The following VWA3B variants were observed in gnomAD, a reference collection of about 807,000 sequenced individuals.
The protein encoded by VWA3B is von Willebrand factor A domain-containing protein 3B.
In VWA3B, 138 loss-of-function variants were observed where a neutral mutation model predicts 158.3. The ratio of observed to expected loss-of-function variants is 0.87; its 90% CI spans 0.76 to 1.00. VWA3B has a LOEUF of 1.00. Ranked by LOEUF, VWA3B falls within the 50% of genes least tolerant of loss-of-function variation. The pLI is 0.00. For missense variants in VWA3B, 1,555 were observed against 1,565.1 expected, an observed-to-expected ratio of 0.99 and a Z score of 0.11; for synonymous variants, 596 against 587.3, an observed-to-expected ratio of 1.01 and a Z score of -0.21.
intron 2 of VWA3B, among the ~76,000 whole-genome samples, chr2:98,103,241 T>G (rs1359876284): frequency 6.6e-6 from 1 of 152,186 alleles, no homozygotes; most frequent in Admixed American, 6.5e-5. Context: ...AGAAACACAT[T>G]TTTAGTTTGC....
At chr2:98,226,546 C>A (rs1322501669) in intron 14 of VWA3B, among the ~76,000 whole-genome samples, 2 of 152,138 alleles carry the variant, frequency 1.3e-5, no homozygotes, top group Non-Finnish European at 2.9e-5. Flanking sequence ...AAAGCATTAT[C>A]CATAAAAGGA....
chr2:98,303,892 T>C (rs1690353458), intron 26 of VWA3B, 90 bp downstream of exon 26: 1 of 1,246,522 alleles, frequency 8.0e-7, no homozygotes, highest in Non-Finnish European at 1.2e-6. Flanking sequence ...GACCTCTAAA[T>C]ACTAGGGAAG....
intron 7 of VWA3B, among the ~76,000 whole-genome samples, chr2:98,149,135 T>C (rs1045315677): frequency 6.6e-6 from 1 of 152,226 alleles, no homozygotes; most frequent in Admixed American, 6.5e-5. Flanking sequence ...TTAGCTCCAG[T>C]GATATACTTT....
In VWA3B at chr2:98,202,315, C is replaced by T. The variant is rs1682617722; in HGVS notation, c.1737+7823C>T. On this transcript the variant is annotated intron_variant, in intron 12 of 27. Coordinates refer to ENST00000477737, the MANE Select transcript of VWA3B (RefSeq NM_144992.5). ...AGCATAGAATTGCTCACAGCATTCC[C>T]TTATCATTTCCTTAATGTTTGTGGG... Among the ~76,000 whole-genome samples, 3 of 152,122 alleles carry T rather than the reference C, an allele frequency of 2.0e-5. No individual in the cohort carries two copies. The South Asian group carries it at 6.2e-4, about 32-fold the overall frequency.
intron 7 of VWA3B, among the ~76,000 whole-genome samples, chr2:98,140,027 G>C (rs574616274): frequency 3.3e-5 from 5 of 151,744 alleles, no homozygotes; most frequent in Non-Finnish European, 7.4e-5. Flanking sequence ...CTCCAGAAGC[G>C]CCGCCTTAAG....
At chr2:98,195,288 T>C (rs528028971) in intron 12 of VWA3B, among the ~76,000 whole-genome samples, 1 of 152,284 alleles carries the variant, frequency 6.6e-6, no homozygotes, top group South Asian at 2.1e-4. Context: ...TATCTTTTCT[T>C]AAAAAGGCAA....
chr2:98,234,656 A>C lies in VWA3B; in HGVS notation c.2317A>C (p.Lys773Gln). 1 of 1,614,212 alleles carries C rather than the reference A, an allele frequency of 6.2e-7. No homozygotes were observed. Among genetic ancestry groups the C allele is most frequent in the Non-Finnish European group, 8.5e-7 (1 of 1,180,030 alleles). Reference sequence around the variant, plus strand: ...CTCTGTGATACCAACAGAATCAACCAAAACCAGCCTGCTCAGAAGCCAGAT... The same window carrying C: ...CTCTGTGATACCAACAGAATCAACCCAAACCAGCCTGCTCAGAAGCCAGAT... ...KKKVLHAEST[K>Q]TSLLRSQMSS... Residue 773 changes from lysine to glutamine, a missense_variant, in exon 17 of 28, where the codon AAA becomes CAA. Transcript: ENST00000477737.
At chr2:98,329,029 C>T in the VWA3B span, among the ~76,000 whole-genome samples, 1 of 152,176 alleles carries the variant, frequency 6.6e-6, no homozygotes, top group South Asian at 2.1e-4. Context: ...AAAGGACCCA[C>T]ACACATATAT....
At chr2:98,217,523 A>G (rs1288497741) in intron 13 of VWA3B, among the ~76,000 whole-genome samples, 1 of 152,224 alleles carries the variant, frequency 6.6e-6, no homozygotes. Flanking sequence ...GTAGCCCAGC[A>G]CTTTAAATGC....
chr2:98,135,238 GAA>G (rs758481535), intron 7 of VWA3B, among the ~76,000 whole-genome samples: 14 of 151,550 alleles, frequency 9.2e-5, no homozygotes, highest in Non-Finnish European at 2.1e-4. Context: ...GTTATAAAGG[GAA>G]ATACAAACTG....
intron 2 of VWA3B, among the ~76,000 whole-genome samples, chr2:98,107,481 T>TA (rs1202561997): frequency 6.6e-6 from 1 of 152,142 alleles, no homozygotes; most frequent in Non-Finnish European, 1.5e-5. Flanking sequence ...AAACATTTGG[T>TA]AAAATTCTCC....
rs1261435936 is a variant in VWA3B at position 98,126,279 on chromosome 2, A to C, written c.703-1960A>C. Reference sequence around the variant, plus strand: ...TTTTGGGATTAGTGCCAGAGGAAAGAAGCTGAGTTTACATGACGTGCATTG... The same window carrying C: ...TTTTGGGATTAGTGCCAGAGGAAAGCAGCTGAGTTTACATGACGTGCATTG... On this transcript the variant is annotated intron_variant, in intron 5 of 27. Transcript: ENST00000477737. 2.0e-5 allele frequency among the ~76,000 whole-genome samples: 3 copies of C among 152,216 alleles called. No homozygotes were observed. In the East Asian group the frequency reaches 5.8e-4, roughly 29 times the overall value.
At position 98,146,480 on chromosome 2, in the gene VWA3B, G is replaced by A. The variant is rs548910066; in HGVS notation, c.988+12541G>A. ...AAGTTTGTTCTGGGTGATGCTTTGC[G>A]AAGCCCTACCTCTTTGCCTCTCTTA... On this transcript the variant is annotated intron_variant, in intron 7 of 27. Coordinates refer to ENST00000477737, the MANE Select transcript of VWA3B (RefSeq NM_144992.5). 6.6e-5 allele frequency among the ~76,000 whole-genome samples: 10 copies of A among 152,288 alleles called. No individual in the cohort carries two copies. The East Asian group carries it at 7.7e-4, about 12-fold the overall frequency.
chr2:98,233,783 AAC>A (rs1685492476), intron 16 of VWA3B, among the ~76,000 whole-genome samples: 2 of 152,234 alleles, frequency 1.3e-5, no homozygotes. Flanking sequence ...TCTCAGTGAA[AAC>A]ACAGACACAT....
chr2:98,101,088 G>T (rs756688188), intron 2 of VWA3B, among the ~76,000 whole-genome samples: 1 of 152,100 alleles, frequency 6.6e-6, no homozygotes, highest in Non-Finnish European at 1.5e-5. Flanking sequence ...TCATCTCCTG[G>T]GATGTGCAAG....
At chr2:98,217,231 C>T (rs377369644) in intron 13 of VWA3B, among the ~76,000 whole-genome samples, 32 of 152,218 alleles carry the variant, frequency 2.1e-4, no homozygotes, top group African/African-American at 4.8e-4. Flanking sequence ...AAACCTCTCA[C>T]CACCGCAGAC....
intron 7 of VWA3B, among the ~76,000 whole-genome samples, chr2:98,152,781 T>C (rs901420797): frequency 1.3e-5 from 2 of 152,204 alleles, no homozygotes; most frequent in African/African-American, 4.8e-5. Context: ...TCTGAGATGG[T>C]GTGATGTCAG....
At chr2:98,291,500 G>T (rs1689491380) in intron 23 of VWA3B, 1 of 152,246 alleles carries the variant, frequency 6.6e-6, no homozygotes, top group African/African-American at 2.4e-5. Context: ...AAGCTCTTCA[G>T]AGAGGTGAGC....
chr2:98,237,770 A>G (rs2105742977), intron 19 of VWA3B, among the ~76,000 whole-genome samples: 1 of 152,352 alleles, frequency 6.6e-6, no homozygotes, highest in East Asian at 1.9e-4. Flanking sequence ...CTGAATGGAA[A>G]CAATATCCTT....
Sources: allele counts gnomAD v4.1 joint callset (sites outside exome capture counted in the v4.1 genomes callset), GRCh38; gene constraint gnomAD v4.1.1; transcripts MANE v1.5; gene names NCBI Gene and HGNC (gene_info 2026-07-23, HGNC 2026-07-21).